KAZN: variants seen among roughly 807,000 people sequenced by gnomAD.
The protein encoded by KAZN is kazrin, periplakin interacting protein, also known as kazrin.
In KAZN, 40 loss-of-function variants were observed where a neutral mutation model predicts 87.4. The observed-to-expected ratio is 0.46, with a 90% CI of 0.36 to 0.60. The LOEUF (loss-of-function observed/expected upper bound fraction) is 0.60, where lower values mean the gene tolerates loss of function less well. Ranked by LOEUF, KAZN falls within the 20% of genes least tolerant of loss-of-function variation. The pLI, the probability that KAZN is intolerant of heterozygous loss-of-function variation, is 0.00. For synonymous variants in KAZN, 466 were observed against 458.3 expected, an observed-to-expected ratio of 1.02 and a Z score of -0.22; for missense variants, 898 against 1,073.9, an observed-to-expected ratio of 0.84 and a Z score of 2.29.
intron 1 of KAZN, among the ~76,000 whole-genome samples, chr1:14,050,427 A>G (rs987555740): frequency 1.3e-5 from 2 of 152,210 alleles, no homozygotes; most frequent in African/African-American, 4.8e-5. Flanking sequence ...ACAGTTCCGC[A>G]TGGCTGGGGT....
intron 1 of KAZN, among the ~76,000 whole-genome samples, chr1:13,963,208 C>T (rs1487634187): frequency 6.6e-6 from 1 of 151,814 alleles, no homozygotes; most frequent in Admixed American, 6.5e-5. Context: ...TTTTGTGGAC[C>T]ATCTAAAATA....
intron 2 of KAZN, among the ~76,000 whole-genome samples, chr1:14,505,294 C>T (rs767520451): frequency 8.5e-5 from 13 of 152,234 alleles, no homozygotes; most frequent in African/African-American, 1.7e-4. Flanking sequence ...AACATGGTTC[C>T]GCCCCTTCTA....
intron 2 of KAZN, 117 bp downstream of exon 2, chr1:14,960,992 TC>T: frequency 9.2e-7 from 1 of 1,082,488 alleles, no homozygotes; most frequent in Non-Finnish European, 1.3e-6. Flanking sequence ...AGCACCCACC[TC>T]CAGCTGTGGC....
chr1:13,989,251 T>TG (rs2101104339), intron 1 of KAZN, among the ~76,000 whole-genome samples: 1 of 152,180 alleles, frequency 6.6e-6, no homozygotes, highest in South Asian at 2.1e-4. Context: ...TGTAGGCTTT[T>TG]GGGGGGACAC....
At chr1:14,488,517 T>C (rs1462561442) in intron 2 of KAZN, among the ~76,000 whole-genome samples, 2 of 152,118 alleles carry the variant, frequency 1.3e-5, no homozygotes, top group Admixed American at 1.3e-4. Context: ...CACTTCCCCA[T>C]CTAGAACATG....
At position 15,083,976 on chromosome 1, in the gene KAZN, C is replaced by T. The variant is rs193052774; in HGVS notation, c.1223-10204C>T. Among the ~76,000 whole-genome samples, 48 of 152,340 alleles carry T rather than the reference C, an allele frequency of 3.2e-4. 1 individual carries two copies. In the East Asian group the frequency reaches 8.5e-3, roughly 27 times the overall value. On this transcript the variant is annotated intron_variant, in intron 8 of 14. Transcript: ENST00000376030. ...TAGCCTGCTGGAAACATCGGGGGAC[C>T]CCTCTGAGCCTTCACTTCCCATCTG...
At chr1:14,636,022 C>T (rs960647260) in intron 1 of KAZN, among the ~76,000 whole-genome samples, 4 of 152,204 alleles carry the variant, frequency 2.6e-5, no homozygotes, top group African/African-American at 9.6e-5. Flanking sequence ...AAAATATACT[C>T]TACTCCCCTC....
At position 14,728,024 on chromosome 1, in the gene KAZN, G is replaced by A. The variant is rs1326014466; in HGVS notation, c.226+128801G>A. Among the ~76,000 whole-genome samples, 6 of 151,734 alleles carry A rather than the reference G, an allele frequency of 4.0e-5. No homozygotes were observed. The East Asian group carries it at 5.9e-4, about 15-fold the overall frequency. On this transcript the variant is annotated intron_variant, in intron 1 of 14. Transcript: ENST00000376030. The stretch of plus-strand genomic sequence containing the variant: ...ATGCTGGCCGGGCGCGGTGCCTCAC[G>A]CCTGTAATCCCAGCACTTTGGGAGG...
chr1:14,758,958 A>C (rs1644656617), intron 1 of KAZN, among the ~76,000 whole-genome samples: 2 of 152,110 alleles, frequency 1.3e-5, no homozygotes, highest in Admixed American at 1.3e-4. Context: ...CTGGAGAAAG[A>C]GGAGAGAGAG....
chr1:14,302,069 G>C (rs913587380), intron 2 of KAZN, among the ~76,000 whole-genome samples: 1 of 152,122 alleles, frequency 6.6e-6, no homozygotes, highest in African/African-American at 2.4e-5. Flanking sequence ...ATACATGATG[G>C]GTACCTGGAT....
chr1:15,081,602 T>C lies in KAZN; in HGVS notation c.1223-12578T>C, dbSNP rs113153481. 7.6e-3 allele frequency among the ~76,000 whole-genome samples: 1,153 copies of C among 152,140 alleles called. 16 individuals are homozygous for C. The highest frequency in any genetic ancestry group is 0.026 in the African/African-American group (1,092 of 41,494). On this transcript the variant is annotated intron_variant, in intron 8 of 14. Coordinates refer to ENST00000376030, the MANE Select transcript of KAZN (RefSeq NM_201628.3). This position sits in a 1 kb window ranked among gnomAD's most constrained non-coding sequence, Gnocchi z 4.1. ...TGTGAGTGTGTGTGTTGGGGAGTTG[T>C]AGGGTACCCACACTAGGTGACCAGG...
chr1:14,164,699 C>T (rs1170065576), intron 1 of KAZN, among the ~76,000 whole-genome samples: 2 of 152,030 alleles, frequency 1.3e-5, no homozygotes, highest in Non-Finnish European at 2.9e-5. Context: ...CACCACCACG[C>T]CTGGCTCATT....
chr1:13,923,649 G>C (rs1033774498), intron 1 of KAZN, among the ~76,000 whole-genome samples: 10 of 151,204 alleles, frequency 6.6e-5, no homozygotes, highest in African/African-American at 2.4e-4. Context: ...CATCCTTGTC[G>C]CCTTCATGCT....
At chr1:14,755,526 T>C (rs1309559801) in intron 1 of KAZN, among the ~76,000 whole-genome samples, 1 of 152,150 alleles carries the variant, frequency 6.6e-6, no homozygotes, top group Non-Finnish European at 1.5e-5. Context: ...GAAGTTACGA[T>C]CTCCAGAAGC....
chr1:14,706,040 C>A (rs1336233074), intron 1 of KAZN, among the ~76,000 whole-genome samples: 1 of 152,110 alleles, frequency 6.6e-6, no homozygotes, highest in Non-Finnish European at 1.5e-5. Context: ...AGCTCAGGAT[C>A]ATCAGCAGCA....
intron 1 of KAZN, among the ~76,000 whole-genome samples, chr1:14,042,308 T>C (rs1641872617): frequency 6.6e-6 from 1 of 152,108 alleles, no homozygotes; most frequent in Non-Finnish European, 1.5e-5. Flanking sequence ...CTACTATAAG[T>C]GTAGAGGAGA....
intron 2 of KAZN, among the ~76,000 whole-genome samples, chr1:14,293,805 G>A (rs1653904351): frequency 6.6e-6 from 1 of 152,102 alleles, no homozygotes; most frequent in African/African-American, 2.4e-5. Flanking sequence ...ACAGCATATA[G>A]CATCTAACTC....
intron 13 of KAZN, among the ~76,000 whole-genome samples, chr1:15,110,153 G>A (rs963372554): frequency 2.9e-4 from 43 of 149,854 alleles, no homozygotes; most frequent in Non-Finnish European, 4.7e-4. Context: ...GTGTATGTGT[G>A]TGCATATGTG....
intron 1 of KAZN, among the ~76,000 whole-genome samples, chr1:14,733,916 T>A (rs1297305904): frequency 6.6e-6 from 1 of 152,172 alleles, no homozygotes; most frequent in Non-Finnish European, 1.5e-5. Flanking sequence ...CCCCAGCCAG[T>A]CCAGACTGCT....
Sources: allele counts gnomAD v4.1 joint callset (sites outside exome capture counted in the v4.1 genomes callset), GRCh38; gene constraint gnomAD v4.1.1; non-coding constraint Gnocchi (gnomAD v3.1); transcripts MANE v1.5; gene names NCBI Gene and HGNC (gene_info 2026-07-23, HGNC 2026-07-21).